Variants in ETF1 observed in about 807,000 individuals in gnomAD.
ETF1 encodes eukaryotic translation termination factor 1, also known as eukaryotic peptide chain release factor subunit 1.
A neutral mutation model predicts 55.1 loss-of-function variants in ETF1; 4 were observed. The ratio of observed to expected loss-of-function variants is 0.07; its 90% CI spans 0.04 to 0.17. ETF1 has a LOEUF of 0.17. Among genes scored for constraint, ETF1 ranks in the 10% least tolerant of loss-of-function variants. The pLI is 1.00. For missense variants in ETF1, 142 were observed against 523.6 expected (o/e 0.27, Z 7.11); for synonymous variants, 157 against 182.3 (o/e 0.86, Z 1.12).
chr5:138,518,843 C>T lies in ETF1; in HGVS notation c.111G>A (p.Leu37=), dbSNP rs1452393451. Residue 37 remains leucine (L), a synonymous_variant, in exon 3 of 11, where the codon TTG becomes TTA. Transcript: ENST00000360541. ...AAATCTGGTCTTTGGGAGGAATGATCAATGATATCATGCTGGTGCCATTGC... is the reference window on the plus strand; with the variant it reads ...AAATCTGGTCTTTGGGAGGAATGATTAATGATATCATGCTGGTGCCATTGC... ...ARGNGTSMIS[L]IIPPKDQISR... is the part of the protein sequence containing the mutation. 1 of 1,613,986 alleles carries T rather than the reference C, an allele frequency of 6.2e-7. No individual in the cohort carries two copies. The highest frequency in any genetic ancestry group is 1.7e-5 in the Admixed American group (1 of 60,008).
intron 4 of ETF1, among the ~76,000 whole-genome samples, chr5:138,514,814 A>G (rs1222761125): frequency 5.9e-5 from 9 of 152,172 alleles, no homozygotes; most frequent in Admixed American, 5.9e-4. Flanking sequence ...CTTCCCAAAG[A>G]GAAAATATTG....
At chr5:138,511,656 T>C in intron 6 of ETF1, 52 bp from the exon 7 acceptor site, 1 of 1,530,450 alleles carries the variant, frequency 6.5e-7, no homozygotes, top group Non-Finnish European at 8.8e-7. Flanking sequence ...ATTTAAAATA[T>C]TATTAAAACA....
chr5:138,510,839 C>A, intron 8 of ETF1: 3 of 752,532 alleles, frequency 4.0e-6, no homozygotes, highest in Non-Finnish European at 4.9e-6. Flanking sequence ...TAGTCCTGGT[C>A]CTCAGCAGAT....
chr5:138,523,497 G>A (rs1327638089), intron 2 of ETF1, among the ~76,000 whole-genome samples: 1 of 152,136 alleles, frequency 6.6e-6, no homozygotes, highest in Non-Finnish European at 1.5e-5. Context: ...CCACGCCACT[G>A]CACTCCAGCC....
At chr5:138,515,613 C>G (rs1368055588) in intron 4 of ETF1, among the ~76,000 whole-genome samples, 1 of 151,994 alleles carries the variant, frequency 6.6e-6, no homozygotes, top group Non-Finnish European at 1.5e-5. Flanking sequence ...TCAGTTAAAG[C>G]TAAAATGTAC....
rs1338586020 is a variant in ETF1, at chr5:138,508,739, A to G, written c.1161T>C (p.Ala387=). Residue 387 remains alanine (A), a synonymous_variant, in exon 10 of 11, where the codon GCT becomes GCC. Coordinates refer to ENST00000360541, the MANE Select transcript of ETF1 (RefSeq NM_004730.4). Reference sequence around the variant, plus strand: ...ATTTATCTGTGACAATTTCCAACGTAGCTCCAAATTTTTTATAGTTGTTAG... The same window carrying G: ...ATTTATCTGTGACAATTTCCAACGTGGCTCCAAATTTTTTATAGTTGTTAG... The part of the protein sequence containing the change: ...WFANNYKKFG[A]TLEIVTDKSQ... 1 of 1,613,752 alleles carries G rather than the reference A, an allele frequency of 6.2e-7. No homozygotes were observed. Among genetic ancestry groups the G allele is most frequent in the Admixed American group, 1.7e-5 (1 of 60,016 alleles).
intron 2 of ETF1, among the ~76,000 whole-genome samples, chr5:138,534,451 C>G (rs1192870587): frequency 6.6e-6 from 1 of 152,248 alleles, no homozygotes; most frequent in Non-Finnish European, 1.5e-5. Flanking sequence ...GGATTCATTA[C>G]TTCACTACTT....
In ETF1 at chr5:138,509,151, C is replaced by CAGAAG; in HGVS notation, c.1084-340_1084-336dup. 6 of 985,370 alleles carry CAGAAG rather than the reference C, an allele frequency of 6.1e-6. No homozygotes were observed. The South Asian group carries it at 2.8e-4, about 46-fold the overall frequency. 61.0% of individuals were successfully genotyped at this position (985,370 alleles called of 1,614,324 possible). A position where few individuals can be genotyped will look rare whatever the true frequency, so the allele number is the denominator to read the frequency against. On this transcript the variant is annotated intron_variant, in intron 9 of 10. Transcript: ENST00000360541. ...TCTAAGCAGCACCCATTCAATGGCT[C>CAGAAG]AGAAGAGACATTCCAGGACTGCTTT...
intron 2 of ETF1, among the ~76,000 whole-genome samples, chr5:138,525,161 A>C (rs577971720): frequency 6.9e-6 from 1 of 144,258 alleles, no homozygotes; most frequent in African/African-American, 2.5e-5. Flanking sequence ...ACTATTAATA[A>C]TTTTTTTTTT....
At chr5:138,511,628 T>C (rs1416325595) in intron 6 of ETF1, 24 bp from the exon 7 acceptor site, 1 of 1,579,942 alleles carries the variant, frequency 6.3e-7, no homozygotes, top group Admixed American at 1.8e-5. Flanking sequence ...AAAATATTAT[T>C]AGTACTTACT....
intron 2 of ETF1, among the ~76,000 whole-genome samples, chr5:138,529,185 AAAC>A (rs1040522844): frequency 2.6e-5 from 4 of 152,118 alleles, no homozygotes; most frequent in African/African-American, 7.2e-5. Context: ...CAAACAAAAA[AAAC>A]AAGCAGATTA....
intron 2 of ETF1, among the ~76,000 whole-genome samples, chr5:138,541,879 T>C (rs1027717116): frequency 9.1e-6 from 1 of 109,402 alleles, no homozygotes; most frequent in Non-Finnish European, 1.8e-5. Flanking sequence ...ACGAACAACG[T>C]TAAAAAAAAA....
chr5:138,510,957 C>A, intron 8 of ETF1, 88 bp downstream of exon 8: 1 of 1,549,564 alleles, frequency 6.5e-7, no homozygotes, highest in Non-Finnish European at 8.7e-7. Context: ...CTTCTGATTG[C>A]TCCTGAAATC....
intron 2 of ETF1, among the ~76,000 whole-genome samples, chr5:138,532,720 G>C (rs1244653409): frequency 6.6e-6 from 1 of 152,156 alleles, no homozygotes; most frequent in Admixed American, 6.5e-5. Context: ...GAACAAAAGA[G>C]CTATACCAAA....
chr5:138,539,033 C>T (rs1374052369), intron 2 of ETF1, among the ~76,000 whole-genome samples: 1 of 152,188 alleles, frequency 6.6e-6, no homozygotes, highest in African/African-American at 2.4e-5. Flanking sequence ...AATGTCCAAA[C>T]ACTACAGCAG....
At chr5:138,519,430 G>A (rs1055451347) in intron 2 of ETF1, among the ~76,000 whole-genome samples, 1 of 151,896 alleles carries the variant, frequency 6.6e-6, no homozygotes, top group Non-Finnish European at 1.5e-5. Flanking sequence ...TTGGGAGGCC[G>A]AGGCGGGCGG....
Position 138,512,926 on chromosome 5 carries a change from A to G in ETF1, c.570T>C (p.Phe190=), listed in dbSNP as rs138015461. The G allele has an allele frequency of 8.2e-4, 1,270 of 1,554,592 alleles. 23 individuals carry two copies. In the South Asian group the frequency reaches 0.015, roughly 18 times the overall value. Residue 190 remains phenylalanine, a synonymous_variant, in exon 6 of 11, where the codon TTT becomes TTC. Transcript: ENST00000360541. Reference sequence around the variant, plus strand: ...GTCGCTTTTCCATTCTTAAACGGGCAAAACGCAAGGCTGACTGACCTCCTC... The same window carrying G: ...GTCGCTTTTCCATTCTTAAACGGGCGAAACGCAAGGCTGACTGACCTCCTC... ...HGRGGQSALR[F]ARLRMEKRHN... is the part of the protein sequence containing the mutation.
intron 2 of ETF1, among the ~76,000 whole-genome samples, chr5:138,542,404 C>T (rs1367201892): frequency 1.3e-5 from 2 of 152,116 alleles, no homozygotes; most frequent in East Asian, 3.9e-4. Context: ...AAGGGAGAGG[C>T]CATTTTAATG....
intron 7 of ETF1, 113 bp from the exon 8 acceptor site, chr5:138,511,313 CA>C (rs1764766136): frequency 6.6e-7 from 1 of 1,524,880 alleles, no homozygotes; most frequent in African/African-American, 1.4e-5. Flanking sequence ...TTTACTGAGG[CA>C]AAAGAGTTAA....
Sources: allele counts gnomAD v4.1 joint callset (sites outside exome capture counted in the v4.1 genomes callset), GRCh38; gene constraint gnomAD v4.1.1; transcripts MANE v1.5; gene names NCBI Gene and HGNC (gene_info 2026-07-23, HGNC 2026-07-21).